Variants in SLC24A2 observed in about 807,000 individuals in gnomAD.
SLC24A2 encodes sodium/potassium/calcium exchanger 2.
A neutral mutation model predicts 62.0 loss-of-function variants in SLC24A2; 36 were observed. That is an observed-to-expected ratio of 0.58 (90% CI 0.44 to 0.77). The LOEUF (loss-of-function observed/expected upper bound fraction) is 0.77. SLC24A2 is among the 30% of genes least tolerant of loss of function. The pLI, the probability that SLC24A2 is intolerant of heterozygous loss-of-function variation, is 0.00. For missense variants in SLC24A2, 846 were observed against 817.9 expected (o/e 1.03, Z -0.42); for synonymous variants, 358 against 294.0 (o/e 1.22, Z -2.23).
At chr9:20,019,407 G>C in the SLC24A2 span, among the ~76,000 whole-genome samples, 2 of 152,168 alleles carry the variant, frequency 1.3e-5, no homozygotes, top group African/African-American at 2.4e-5. Flanking sequence ...TGGTTTGCCA[G>C]TTTTCCCAGC....
At chr9:19,584,217 G>A (rs1836291153) in intron 5 of SLC24A2, among the ~76,000 whole-genome samples, 2 of 147,422 alleles carry the variant, frequency 1.4e-5, no homozygotes, top group Non-Finnish European at 3.0e-5. Context: ...GCTCCTCTGG[G>A]AAGTCAAGCT....
chr9:19,626,714 G>C (rs1217433648), intron 2 of SLC24A2, among the ~76,000 whole-genome samples: 1 of 152,154 alleles, frequency 6.6e-6, no homozygotes, highest in East Asian at 1.9e-4. Context: ...GGAAGATCTG[G>C]TGAGGAATGA....
the SLC24A2 span, among the ~76,000 whole-genome samples, chr9:19,910,837 C>T: frequency 2.0e-5 from 3 of 151,800 alleles, no homozygotes; most frequent in South Asian, 2.1e-4. Flanking sequence ...GTAGCTTTTA[C>T]GTTATTTTAT....
chr9:19,654,425 C>G (rs139844146), intron 2 of SLC24A2, among the ~76,000 whole-genome samples: 17 of 152,266 alleles, frequency 1.1e-4, no homozygotes, highest in Non-Finnish European at 2.1e-4. Flanking sequence ...TTTTGACCAC[C>G]TGGAGAACAT....
At chr9:20,165,531 C>T in the SLC24A2 span, among the ~76,000 whole-genome samples, 3 of 151,748 alleles carry the variant, frequency 2.0e-5, no homozygotes, top group Admixed American at 6.6e-5. Context: ...AGTGGTATCT[C>T]AAATGACTGA....
intron 2 of SLC24A2, among the ~76,000 whole-genome samples, chr9:19,685,028 T>C (rs1162977049): frequency 6.6e-6 from 1 of 152,072 alleles, no homozygotes; most frequent in Non-Finnish European, 1.5e-5. Context: ...TGTACAAAAA[T>C]CACTAGCATT....
At chr9:19,791,791 G>T (rs1823323295), upstream of SLC24A2, among the ~76,000 whole-genome samples, 1 of 152,236 alleles carries the variant, frequency 6.6e-6, no homozygotes, top group African/African-American at 2.4e-5. Flanking sequence ...TTTGCTAAGA[G>T]ACTCAAGTAG....
chr9:20,174,010 C>A, the SLC24A2 span, among the ~76,000 whole-genome samples: 1 of 151,980 alleles, frequency 6.6e-6, no homozygotes. Context: ...GCACATAGAC[C>A]AATGTAACAG....
intron 2 of SLC24A2, among the ~76,000 whole-genome samples, chr9:19,722,522 TGCA>T (rs1821056253): frequency 6.6e-6 from 1 of 152,044 alleles, no homozygotes; most frequent in Non-Finnish European, 1.5e-5. Flanking sequence ...ACCTAAAAAG[TGCA>T]GGATAAGTCA....
chr9:19,956,280 T>C, the SLC24A2 span, among the ~76,000 whole-genome samples: 1 of 152,234 alleles, frequency 6.6e-6, no homozygotes, highest in Admixed American at 6.5e-5. Flanking sequence ...CTCTGCTCCA[T>C]AATTTGTTAA....
chr9:20,163,154 C>T, the SLC24A2 span, among the ~76,000 whole-genome samples: 9 of 151,880 alleles, frequency 5.9e-5, no homozygotes, highest in South Asian at 4.2e-4. Context: ...GAGAAGGAAA[C>T]AAAGGGTATT....
chr9:19,777,904 T>G (rs1822891201), intron 2 of SLC24A2, among the ~76,000 whole-genome samples: 1 of 152,196 alleles, frequency 6.6e-6, no homozygotes, highest in African/African-American at 2.4e-5. Context: ...ATCTGATAAA[T>G]ATATTATTTA....
At chr9:19,900,911 C>G in the SLC24A2 span, among the ~76,000 whole-genome samples, 10 of 152,170 alleles carry the variant, frequency 6.6e-5, no homozygotes, top group Non-Finnish European at 1.5e-4. Flanking sequence ...AGTTCATGCC[C>G]ATATATCACA....
At chr9:19,584,762 C>A (rs1045857968) in intron 5 of SLC24A2, among the ~76,000 whole-genome samples, 2 of 151,836 alleles carry the variant, frequency 1.3e-5, no homozygotes, top group African/African-American at 4.8e-5. Context: ...TAAACAAAAC[C>A]ACCAAAAACA....
At chr9:19,691,048 C>T (rs1388768580) in intron 2 of SLC24A2, among the ~76,000 whole-genome samples, 1 of 152,092 alleles carries the variant, frequency 6.6e-6, no homozygotes, top group East Asian at 1.9e-4. Context: ...TTTGAAGCTG[C>T]CCAAGATAAT....
At chr9:19,559,180 AAGAC>A (rs1835270579) in intron 7 of SLC24A2, among the ~76,000 whole-genome samples, 1 of 152,202 alleles carries the variant, frequency 6.6e-6, no homozygotes, top group African/African-American at 2.4e-5. Context: ...AATTTCTTCA[AAGAC>A]ATGTAGGAGA....
the SLC24A2 span, among the ~76,000 whole-genome samples, chr9:20,051,553 G>A: frequency 6.6e-6 from 1 of 150,644 alleles, no homozygotes; most frequent in Non-Finnish European, 1.5e-5. Flanking sequence ...TTCTAGTCAA[G>A]CATACATTGA....
At chr9:20,160,075 G>A in the SLC24A2 span, among the ~76,000 whole-genome samples, 1 of 151,008 alleles carries the variant, frequency 6.6e-6, no homozygotes, top group African/African-American at 2.4e-5. Flanking sequence ...ATTCATAAAG[G>A]GCAAAAATAA....
intron 2 of SLC24A2, among the ~76,000 whole-genome samples, chr9:19,732,560 A>G (rs899689753): frequency 2.0e-5 from 3 of 152,206 alleles, no homozygotes; most frequent in Non-Finnish European, 2.9e-5. Flanking sequence ...AGAAAGATTC[A>G]ATCAAGCTAA....
Sources: allele counts gnomAD v4.1 joint callset (sites outside exome capture counted in the v4.1 genomes callset), GRCh38; gene constraint gnomAD v4.1.1; transcripts MANE v1.5; gene names NCBI Gene and HGNC (gene_info 2026-07-23, HGNC 2026-07-21).